Variants in NTRK3 observed in about 807,000 individuals in gnomAD.
NTRK3 encodes NT-3 growth factor receptor.
A neutral mutation model predicts 91.7 loss-of-function variants in NTRK3; 24 were observed. The observed-to-expected ratio is 0.26, with a 90% CI of 0.19 to 0.37. The LOEUF is 0.37. NTRK3 is among the 10% of genes least tolerant of loss of function. The pLI is 1.00. For synonymous variants in NTRK3, 483 were observed against 404.0 expected (o/e 1.20, Z -2.34); for missense variants, 880 against 1,068.9 (o/e 0.82, Z 2.46).
chr15:88,101,815 A>T (rs1315563581), intron 13 of NTRK3, among the ~76,000 whole-genome samples: 1 of 152,138 alleles, frequency 6.6e-6, no homozygotes, highest in African/African-American at 2.4e-5. Context: ...GGAATTGAAC[A>T]ATGAGAACAC....
chr15:87,987,305 T>C (rs1223824769), intron 14 of NTRK3, among the ~76,000 whole-genome samples: 2 of 152,184 alleles, frequency 1.3e-5, no homozygotes, highest in Non-Finnish European at 2.9e-5. Context: ...TCTTCCCATA[T>C]CAGATATTTT....
At chr15:88,225,057 A>AG (rs1440121061) in intron 3 of NTRK3, among the ~76,000 whole-genome samples, 1 of 152,198 alleles carries the variant, frequency 6.6e-6, no homozygotes, top group Non-Finnish European at 1.5e-5. Flanking sequence ...TTTAAATGCC[A>AG]GCCACTACCA....
chr15:88,093,729 G>C (rs1333431757), intron 13 of NTRK3, among the ~76,000 whole-genome samples: 4 of 152,148 alleles, frequency 2.6e-5, no homozygotes, highest in African/African-American at 4.8e-5. Context: ...CCAGAAGACA[G>C]GGTTCTTTCT....
At chr15:88,092,415 G>T (rs1247046656) in intron 13 of NTRK3, among the ~76,000 whole-genome samples, 1 of 152,184 alleles carries the variant, frequency 6.6e-6, no homozygotes, top group Non-Finnish European at 1.5e-5. Context: ...GCAGGTGAGA[G>T]CCCATACACA....
At chr15:88,084,699 C>A (rs1053294227) in intron 13 of NTRK3, among the ~76,000 whole-genome samples, 1 of 152,208 alleles carries the variant, frequency 6.6e-6, no homozygotes, top group Non-Finnish European at 1.5e-5. Context: ...CAAAGACGTC[C>A]CCCTGCCCTC....
intron 13 of NTRK3, among the ~76,000 whole-genome samples, chr15:88,096,716 G>A (rs2049641661): frequency 6.6e-6 from 1 of 152,300 alleles, no homozygotes; most frequent in Non-Finnish European, 1.5e-5. Context: ...CCCTGCATCT[G>A]CAGTGGAGAG....
chr15:88,164,668 C>T (rs998879646), intron 5 of NTRK3, among the ~76,000 whole-genome samples: 6 of 152,106 alleles, frequency 3.9e-5, no homozygotes, highest in African/African-American at 1.4e-4. Context: ...TTCTGAGCTG[C>T]CCTCTCTCCC....
chr15:87,952,084 G>C (rs775708588), intron 14 of NTRK3, among the ~76,000 whole-genome samples: 4 of 151,630 alleles, frequency 2.6e-5, no homozygotes, highest in African/African-American at 2.4e-5. Flanking sequence ...CCGAGATGGC[G>C]CCACCGCACT....
At chr15:87,973,296 T>TGCAA (rs2073420564) in intron 14 of NTRK3, among the ~76,000 whole-genome samples, 1 of 152,184 alleles carries the variant, frequency 6.6e-6, no homozygotes, top group South Asian at 2.1e-4. Flanking sequence ...GGTCACTCTA[T>TGCAA]GCAAGTTTTA....
At chr15:88,041,198 C>G (rs1338058310) in intron 13 of NTRK3, among the ~76,000 whole-genome samples, 1 of 152,144 alleles carries the variant, frequency 6.6e-6, no homozygotes, top group Non-Finnish European at 1.5e-5. Context: ...AGGGTTGGAC[C>G]AGCCCACATA....
At chr15:88,107,200 T>C (rs916843323) in intron 13 of NTRK3, among the ~76,000 whole-genome samples, 1 of 152,154 alleles carries the variant, frequency 6.6e-6, no homozygotes, top group African/African-American at 2.4e-5. Flanking sequence ...CCCAGCTCTT[T>C]GGGAGGCTGA....
At chr15:88,136,640 A>C in intron 7 of NTRK3, 31 bp from the exon 8 acceptor site, 1 of 1,606,182 alleles carries the variant, frequency 6.2e-7, no homozygotes, top group Non-Finnish European at 8.5e-7. Flanking sequence ...GTGAAAAGAC[A>C]GGCAAACACT....
At chr15:88,128,758 A>C in intron 10 of NTRK3, 24 bp from the exon 11 acceptor site, 1 of 1,611,008 alleles carries the variant, frequency 6.2e-7, no homozygotes, top group Non-Finnish European at 8.5e-7. Flanking sequence ...ACAAAGAGAT[A>C]ATTAACAAAT....
At chr15:87,966,447 C>T (rs897243332) in intron 14 of NTRK3, among the ~76,000 whole-genome samples, 55 of 152,282 alleles carry the variant, frequency 3.6e-4, no homozygotes, top group African/African-American at 1.3e-3. Flanking sequence ...TGGCCTGTTC[C>T]CTTCTCTTCC....
chr15:88,055,803 G>A (rs1412879056), intron 13 of NTRK3, among the ~76,000 whole-genome samples: 1 of 152,100 alleles, frequency 6.6e-6, no homozygotes, highest in Non-Finnish European at 1.5e-5. Flanking sequence ...GCATTTAAAC[G>A]GGGCAGCCTC....
chr15:88,154,832 C>G (rs1365936020), intron 5 of NTRK3, among the ~76,000 whole-genome samples: 1 of 152,196 alleles, frequency 6.6e-6, no homozygotes, highest in East Asian at 1.9e-4. Flanking sequence ...TACTGCAGAA[C>G]TTCTCAGAGC....
chr15:88,026,733 G>A (rs1333811006), intron 14 of NTRK3, among the ~76,000 whole-genome samples: 4 of 152,152 alleles, frequency 2.6e-5, no homozygotes, highest in Non-Finnish European at 4.4e-5. Context: ...GTGACAGGTG[G>A]GGACTTAAAG....
chr15:88,058,046 C>G (rs1278154044), intron 13 of NTRK3, among the ~76,000 whole-genome samples: 2 of 152,202 alleles, frequency 1.3e-5, no homozygotes, highest in Non-Finnish European at 2.9e-5. Flanking sequence ...AGCTCGCTCT[C>G]TCTGGGTGAG....
chr15:87,921,664 T>C (rs1335853671), intron 17 of NTRK3, among the ~76,000 whole-genome samples: 1 of 152,140 alleles, frequency 6.6e-6, no homozygotes, highest in Non-Finnish European at 1.5e-5. Context: ...CTCTCCAGTC[T>C]TAATCTCACC....
Sources: allele counts gnomAD v4.1 joint callset (sites outside exome capture counted in the v4.1 genomes callset), GRCh38; gene constraint gnomAD v4.1.1; transcripts MANE v1.5; gene names NCBI Gene and HGNC (gene_info 2026-07-23, HGNC 2026-07-21).